NRG3: variants seen among roughly 807,000 people sequenced by gnomAD.
The protein encoded by NRG3 is pro-neuregulin-3, membrane-bound isoform.
A neutral mutation model predicts 66.9 loss-of-function variants in NRG3; 31 were observed. The ratio of observed to expected loss-of-function variants is 0.46; its 90% CI spans 0.35 to 0.63. NRG3 has a LOEUF of 0.63. Ranked by LOEUF, NRG3 falls within the 20% of genes least tolerant of loss-of-function variation. NRG3 has a pLI of 0.00. For missense variants in NRG3, 910 were observed against 878.9 expected, an observed-to-expected ratio of 1.04 and a Z score of -0.45; for synonymous variants, 393 against 359.4, an observed-to-expected ratio of 1.09 and a Z score of -1.06.
intron 4 of NRG3, among the ~76,000 whole-genome samples, chr10:82,950,562 T>A (rs1315854745): frequency 6.6e-6 from 1 of 152,178 alleles, no homozygotes; most frequent in East Asian, 1.9e-4. Context: ...TGGATTTGTG[T>A]CCATTTATTT....
At chr10:82,834,887 G>A (rs1310424447) in intron 3 of NRG3, among the ~76,000 whole-genome samples, 1 of 152,146 alleles carries the variant, frequency 6.6e-6, no homozygotes, top group African/African-American at 2.4e-5. Context: ...CACATTATGA[G>A]GTAAGATTCT....
intron 4 of NRG3, among the ~76,000 whole-genome samples, chr10:82,897,088 T>C (rs1354849930): frequency 6.6e-6 from 1 of 152,224 alleles, no homozygotes; most frequent in African/African-American, 2.4e-5. Context: ...TGTATGTCTC[T>C]GAACAACAAC....
chr10:82,592,643 C>CT (rs1321325751), intron 2 of NRG3, among the ~76,000 whole-genome samples: 1 of 152,162 alleles, frequency 6.6e-6, no homozygotes, highest in African/African-American at 2.4e-5. Flanking sequence ...TCAGCCAAGA[C>CT]TAGAATGCCC....
chr10:82,700,098 A>C (rs1222065368), intron 2 of NRG3, among the ~76,000 whole-genome samples: 4 of 152,198 alleles, frequency 2.6e-5, no homozygotes, highest in Non-Finnish European at 5.9e-5. Flanking sequence ...AGCAGGATGC[A>C]GCCCATGTGA....
intron 6 of NRG3, among the ~76,000 whole-genome samples, chr10:82,972,348 C>A (rs532731692): frequency 6.6e-6 from 1 of 152,218 alleles, no homozygotes; most frequent in Non-Finnish European, 1.5e-5. Flanking sequence ...ATTCTTCTCT[C>A]TTTTTATGTT....
intron 1 of NRG3, among the ~76,000 whole-genome samples, chr10:81,954,086 G>T (rs991245283): frequency 2.5e-4 from 38 of 152,062 alleles, no homozygotes; most frequent in African/African-American, 4.8e-5. Context: ...TACAAGAGTT[G>T]GGGTATTTCT....
chr10:82,880,611 T>C (rs1421589802), intron 4 of NRG3, among the ~76,000 whole-genome samples: 1 of 152,206 alleles, frequency 6.6e-6, no homozygotes, highest in African/African-American at 2.4e-5. Flanking sequence ...GATGATATCC[T>C]ACTTTGTGCT....
chr10:82,775,416 A>G (rs2059877737), intron 3 of NRG3, among the ~76,000 whole-genome samples: 1 of 152,076 alleles, frequency 6.6e-6, no homozygotes, highest in African/African-American at 2.4e-5. Context: ...TTGTGAATTT[A>G]CCAAGATTCC....
chr10:82,834,875 C>T (rs2062700918), intron 3 of NRG3, among the ~76,000 whole-genome samples: 1 of 152,208 alleles, frequency 6.6e-6, no homozygotes. Context: ...AGAGCCACTC[C>T]TCACATTATG....
At chr10:82,867,014 T>C (rs948811479) in intron 4 of NRG3, among the ~76,000 whole-genome samples, 8 of 152,226 alleles carry the variant, frequency 5.3e-5, no homozygotes, top group African/African-American at 1.9e-4. Context: ...AGTTTCCCAT[T>C]AATATGATAA....
chr10:82,957,063 G>T (rs1212461841), intron 5 of NRG3, among the ~76,000 whole-genome samples: 1 of 152,012 alleles, frequency 6.6e-6, no homozygotes, highest in Non-Finnish European at 1.5e-5. Flanking sequence ...TTGGGAAGAT[G>T]CAACTAGTGT....
intron 1 of NRG3, among the ~76,000 whole-genome samples, chr10:82,282,952 G>T (rs2079208428): frequency 6.6e-6 from 1 of 152,112 alleles, no homozygotes; most frequent in Admixed American, 6.5e-5. Context: ...TTTACTAACA[G>T]TGTTGCCTTG....
intron 1 of NRG3, among the ~76,000 whole-genome samples, chr10:82,068,290 A>T (rs936132335): frequency 1.3e-5 from 2 of 152,216 alleles, no homozygotes; most frequent in African/African-American, 4.8e-5. Flanking sequence ...TGCACGTGAT[A>T]CAGAAGCCTG....
intron 1 of NRG3, among the ~76,000 whole-genome samples, chr10:81,978,329 T>C (rs930367517): frequency 1.3e-5 from 2 of 152,194 alleles, no homozygotes; most frequent in South Asian, 4.1e-4. Context: ...ATGGTGTGAA[T>C]ATTGCCCTTT....
At chr10:82,520,540 T>A (rs1203661991) in intron 2 of NRG3, among the ~76,000 whole-genome samples, 2 of 152,158 alleles carry the variant, frequency 1.3e-5, no homozygotes. Context: ...TCAGCTTGTC[T>A]GTCTGTATAA....
At chr10:82,351,076 G>C (rs1263096253) in intron 1 of NRG3, among the ~76,000 whole-genome samples, 1 of 151,904 alleles carries the variant, frequency 6.6e-6, no homozygotes, top group Non-Finnish European at 1.5e-5. Context: ...GTGTATTTTT[G>C]GTAGAAACGG....
intron 5 of NRG3, among the ~76,000 whole-genome samples, chr10:82,957,724 A>G (rs1850195094): frequency 6.7e-6 from 1 of 150,324 alleles, no homozygotes; most frequent in Non-Finnish European, 1.5e-5. Flanking sequence ...CTTGTAGCCA[A>G]GGATAGTGAT....
chr10:81,891,338 T>C (rs1842992125), intron 1 of NRG3, among the ~76,000 whole-genome samples: 1 of 152,208 alleles, frequency 6.6e-6, no homozygotes, highest in South Asian at 2.1e-4. Flanking sequence ...ATGTACTCTC[T>C]GTAAGGTTTG....
At chr10:81,986,431 C>T (rs2060521282) in intron 1 of NRG3, among the ~76,000 whole-genome samples, 1 of 152,064 alleles carries the variant, frequency 6.6e-6, no homozygotes, top group Admixed American at 6.6e-5. Context: ...CTGTCAATTT[C>T]AGGCAAAAGT....
Sources: gnomAD v4.1 joint callset for allele counts (sites outside exome capture counted in the v4.1 genomes callset) on GRCh38, gnomAD v4.1.1 for gene constraint, MANE v1.5 for transcripts, NCBI Gene and HGNC (gene_info 2026-07-23, HGNC 2026-07-21) for gene names.